The following CACNA2D3 variants were observed in gnomAD, a reference collection of about 807,000 sequenced individuals.
CACNA2D3 encodes the protein voltage-dependent calcium channel subunit alpha-2/delta-3.
CACNA2D3 carries 60 observed loss-of-function variants against 160.6 expected under a neutral mutation model. The observed-to-expected ratio is 0.37, with a 90% CI of 0.30 to 0.46. The LOEUF (loss-of-function observed/expected upper bound fraction) is 0.46, where lower values mean the gene tolerates loss of function less well. Ranked by LOEUF, CACNA2D3 falls within the 20% of genes least tolerant of loss-of-function variation. CACNA2D3 has a pLI of 1.00. For synonymous variants in CACNA2D3, 558 were observed against 492.9 expected, an observed-to-expected ratio of 1.13 and a Z score of -1.75; for missense variants, 1,205 against 1,365.0, an observed-to-expected ratio of 0.88 and a Z score of 1.85.
chr3:54,238,116 C>G (rs1575336088), intron 2 of CACNA2D3, among the ~76,000 whole-genome samples: 1 of 152,200 alleles, frequency 6.6e-6, no homozygotes, highest in Non-Finnish European at 1.5e-5. Flanking sequence ...TTGCATTCAT[C>G]AGACTTGCCT....
intron 3 of CACNA2D3, among the ~76,000 whole-genome samples, chr3:54,370,859 C>T (rs1358769643): frequency 6.9e-6 from 1 of 144,280 alleles, no homozygotes; most frequent in African/African-American, 2.5e-5. Flanking sequence ...AAAAACAGTA[C>T]ACTTTAACAT....
At chr3:55,050,151 G>T (rs1333539880) in intron 35 of CACNA2D3, among the ~76,000 whole-genome samples, 1 of 150,820 alleles carries the variant, frequency 6.6e-6, no homozygotes. Flanking sequence ...TCATTTTGAT[G>T]TTAGCTGGTT....
At chr3:54,816,584 G>A (rs1287089820) in intron 13 of CACNA2D3, among the ~76,000 whole-genome samples, 1 of 152,206 alleles carries the variant, frequency 6.6e-6, no homozygotes, top group Non-Finnish European at 1.5e-5. Flanking sequence ...CTTTATAGGA[G>A]TTTACCAACT....
chr3:55,073,666 C>T, intron 36 of CACNA2D3, 109 bp downstream of exon 36: 1 of 1,231,784 alleles, frequency 8.1e-7, no homozygotes, highest in Non-Finnish European at 1.2e-6. Context: ...ACATCCTTTC[C>T]ACTGTTGGAG....
At chr3:54,172,869 T>C (rs1473410867) in intron 2 of CACNA2D3, among the ~76,000 whole-genome samples, 1 of 152,212 alleles carries the variant, frequency 6.6e-6, no homozygotes, top group African/African-American at 2.4e-5. Flanking sequence ...TCCTTCCCTC[T>C]AGCCAGGAAG....
chr3:54,979,156 C>G (rs1702453668), intron 29 of CACNA2D3, among the ~76,000 whole-genome samples: 1 of 152,094 alleles, frequency 6.6e-6, no homozygotes, highest in Non-Finnish European at 1.5e-5. Flanking sequence ...TCTTGAGGTC[C>G]CAAAATAACT....
intron 14 of CACNA2D3, among the ~76,000 whole-genome samples, chr3:54,817,177 T>C (rs1703476392): frequency 6.6e-6 from 1 of 152,232 alleles, no homozygotes; most frequent in Admixed American, 6.5e-5. Flanking sequence ...CCTTCCAATG[T>C]AGCATTCCAG....
chr3:55,074,302 C>T lies in CACNA2D3; in HGVS notation c.*96C>T. ...CCAAAATATGGTGCAACATACGAGA[C>T]ATGAATATAGTCCAACCATCAGCAT... On this transcript the variant is annotated 3_prime_UTR_variant, in exon 38 of 38. Transcript: ENST00000474759. The T allele has an allele frequency of 1.1e-6, 1 of 936,894 alleles. No individual in the cohort carries two copies. Among genetic ancestry groups the T allele is most frequent in the Non-Finnish European group, 1.8e-6 (1 of 568,810 alleles). The allele number at this position is 936,894 out of a possible 1,614,324, so 58.0% of individuals were successfully genotyped here.
chr3:54,514,398 G>A (rs1701510777), intron 5 of CACNA2D3, among the ~76,000 whole-genome samples: 1 of 152,164 alleles, frequency 6.6e-6, no homozygotes, highest in Non-Finnish European at 1.5e-5. Flanking sequence ...TATAGCAACT[G>A]GAATGGCATT....
chr3:54,822,773 T>C (rs945510038), intron 14 of CACNA2D3, among the ~76,000 whole-genome samples: 2 of 90,064 alleles, frequency 2.2e-5, no homozygotes, highest in African/African-American at 9.4e-5. Context: ...TTTCTTTCTT[T>C]CTTTCTTTCT....
chr3:54,710,956 T>C (rs1319610963), intron 11 of CACNA2D3, among the ~76,000 whole-genome samples: 1 of 152,206 alleles, frequency 6.6e-6, no homozygotes, highest in Non-Finnish European at 1.5e-5. Context: ...CTGGGTAAAC[T>C]GAACAACCAG....
intron 5 of CACNA2D3, among the ~76,000 whole-genome samples, chr3:54,514,888 G>T (rs1261303758): frequency 6.6e-6 from 1 of 152,222 alleles, no homozygotes; most frequent in Non-Finnish European, 1.5e-5. Context: ...ATGCCTTGGA[G>T]AATCTACCGC....
At chr3:54,514,153 T>G (rs1169324236) in intron 5 of CACNA2D3, among the ~76,000 whole-genome samples, 1 of 151,796 alleles carries the variant, frequency 6.6e-6, no homozygotes, top group Non-Finnish European at 1.5e-5. Flanking sequence ...AAAGAGTCGT[T>G]TTAAAAATGG....
At position 54,750,189 on chromosome 3, in the gene CACNA2D3, A is replaced by G. The variant is rs113833387; in HGVS notation, c.1168-2410A>G. 1.2e-3 allele frequency among the ~76,000 whole-genome samples: 185 copies of G among 152,290 alleles called. 1 individual carries two copies. Among genetic ancestry groups the G allele is most frequent in the African/African-American group, 3.8e-3 (158 of 41,562 alleles). On this transcript the variant is annotated intron_variant, in intron 11 of 37. Transcript: ENST00000474759. ...TCTCCAAGAGAACTCAGTTTATATG[A>G]AGGCTCTTCGTCTAGACAGCAGAGG...
intron 17 of CACNA2D3, among the ~76,000 whole-genome samples, chr3:54,866,051 A>G (rs577071684): frequency 6.6e-6 from 1 of 152,196 alleles, no homozygotes; most frequent in South Asian, 2.1e-4. Flanking sequence ...CCCTTGATGA[A>G]GCCTGATTCA....
intron 27 of CACNA2D3, chr3:54,918,401 C>G (rs957959089): frequency 1.7e-5 from 24 of 1,444,698 alleles, no homozygotes; most frequent in Non-Finnish European, 2.3e-5. Context: ...ACACATCAGC[C>G]CTACTCAGAC....
chr3:54,743,885 G>C (rs1034641284), intron 11 of CACNA2D3, among the ~76,000 whole-genome samples: 1 of 152,194 alleles, frequency 6.6e-6, no homozygotes, highest in Non-Finnish European at 1.5e-5. Context: ...AGTATCAGCA[G>C]ACAGGGGTTT....
chr3:54,242,144 G>A (rs1444355812), intron 2 of CACNA2D3, among the ~76,000 whole-genome samples: 1 of 152,094 alleles, frequency 6.6e-6, no homozygotes, highest in Non-Finnish European at 1.5e-5. Context: ...GAACATGCTG[G>A]GCACAGTGGC....
chr3:54,774,783 C>A (rs191278129), intron 13 of CACNA2D3, among the ~76,000 whole-genome samples: 1 of 151,592 alleles, frequency 6.6e-6, no homozygotes, highest in Non-Finnish European at 1.5e-5. Flanking sequence ...TACAGGCGCC[C>A]GCCACCACAC....
Sources: allele counts gnomAD v4.1 joint callset (sites outside exome capture counted in the v4.1 genomes callset), GRCh38; gene constraint gnomAD v4.1.1; transcripts MANE v1.5; gene names NCBI Gene and HGNC (gene_info 2026-07-23, HGNC 2026-07-21).